FBXO34: variants seen among roughly 807,000 people sequenced by gnomAD.
FBXO34 encodes F-box protein 34.
In FBXO34, 12 loss-of-function variants were observed where a neutral mutation model predicts 24.5. The observed-to-expected ratio is 0.49, with a 90% CI of 0.31 to 0.79. The LOEUF (loss-of-function observed/expected upper bound fraction) is 0.79. Ranked by LOEUF, FBXO34 falls within the 30% of genes least tolerant of loss-of-function variation. The pLI, the probability that FBXO34 is intolerant of heterozygous loss-of-function variation, is 0.04. For missense variants in FBXO34, 823 were observed against 857.7 expected (o/e 0.96, Z 0.51); for synonymous variants, 320 against 311.9 (o/e 1.03, Z -0.27).
downstream of FBXO34, chr14:55,369,652 G>A: frequency 6.5e-7 from 1 of 1,545,518 alleles, no homozygotes; most frequent in South Asian, 1.2e-5. Flanking sequence ...TAAACCAGGA[G>A]GTCACCGAGG....
intron 1 of FBXO34, among the ~76,000 whole-genome samples, chr14:55,323,858 A>C (rs978867916): frequency 6.6e-5 from 10 of 152,142 alleles, no homozygotes; most frequent in Non-Finnish European, 1.0e-4. Flanking sequence ...ACTATAGCCC[A>C]TTTTGGGAGT....
At chr14:55,399,566 A>G in the FBXO34 span, among the ~76,000 whole-genome samples, 1 of 152,244 alleles carries the variant, frequency 6.6e-6, no homozygotes, top group African/African-American at 2.4e-5. Context: ...AAGAAATCTA[A>G]TTATAAATTC....
At chr14:55,309,232 C>T (rs989682174) in intron 1 of FBXO34, among the ~76,000 whole-genome samples, 1 of 151,960 alleles carries the variant, frequency 6.6e-6, no homozygotes, top group African/African-American at 2.4e-5. Context: ...GTTAAATATT[C>T]CTATGAATAC....
the FBXO34 span, among the ~76,000 whole-genome samples, chr14:55,401,698 G>A: frequency 6.6e-6 from 1 of 152,040 alleles, no homozygotes; most frequent in Non-Finnish European, 1.5e-5. Flanking sequence ...CTTTCCAGCA[G>A]TCCCTCTGTG....
At chr14:55,271,586 G>A (rs1277543244) in intron 1 of FBXO34, 49 bp downstream of exon 1, 1 of 147,972 alleles carries the variant, frequency 6.8e-6, no homozygotes, top group East Asian at 2.0e-4. Flanking sequence ...CGCGACTGGG[G>A]TCCGGCGGCG....
the FBXO34 span, among the ~76,000 whole-genome samples, chr14:55,375,425 C>T: frequency 2.6e-5 from 4 of 151,718 alleles, no homozygotes; most frequent in South Asian, 4.2e-4. Context: ...TCAACTCAGG[C>T]GACCCTCCCA....
the FBXO34 span, among the ~76,000 whole-genome samples, chr14:55,404,327 C>T: frequency 6.6e-6 from 1 of 152,178 alleles, no homozygotes; most frequent in South Asian, 2.1e-4. Flanking sequence ...ACCCTGATCC[C>T]TAAAGCACTC....
At chr14:55,417,127 T>C in the FBXO34 span, among the ~76,000 whole-genome samples, 2 of 152,180 alleles carry the variant, frequency 1.3e-5, no homozygotes, top group African/African-American at 4.8e-5. Flanking sequence ...AGGAGGACTT[T>C]AGGGAAATTA....
chr14:55,360,118 G>A (rs142016652), intron 3 of FBXO34, among the ~76,000 whole-genome samples: 1,875 of 152,082 alleles, frequency 0.012, 45 homozygotes, highest in African/African-American at 0.042. Context: ...TGTCTCCCAG[G>A]CTGGAGTGCA....
downstream of FBXO34, chr14:55,370,001 GCCCTCACCTGAGGGGA>G: frequency 3.5e-6 from 5 of 1,446,182 alleles, no homozygotes; most frequent in Non-Finnish European, 4.7e-6. Context: ...CTTCCTGAAG[GCCCTCACCTGAGGGGA>G]TGAGGGACGC....
At chr14:55,404,289 G>A in the FBXO34 span, among the ~76,000 whole-genome samples, 1 of 152,186 alleles carries the variant, frequency 6.6e-6, no homozygotes, top group Admixed American at 6.5e-5. Flanking sequence ...GACACTCACT[G>A]AAATCTCACA....
the FBXO34 span, among the ~76,000 whole-genome samples, chr14:55,425,655 C>T: frequency 6.6e-6 from 1 of 152,188 alleles, no homozygotes; most frequent in Non-Finnish European, 1.5e-5. Context: ...TCTTGGCCAA[C>T]CCAACTTTGA....
At chr14:55,336,922 T>G (rs1181598191) in intron 1 of FBXO34, among the ~76,000 whole-genome samples, 1 of 151,552 alleles carries the variant, frequency 6.6e-6, no homozygotes, top group Non-Finnish European at 1.5e-5. Flanking sequence ...TCTGTCTGAC[T>G]CAGAATCCTA....
intron 1 of FBXO34, among the ~76,000 whole-genome samples, chr14:55,312,047 A>G (rs1033076125): frequency 6.6e-6 from 1 of 151,910 alleles, no homozygotes; most frequent in Non-Finnish European, 1.5e-5. Flanking sequence ...TAAAAATACA[A>G]AAATTAGCTG....
intron 1 of FBXO34, among the ~76,000 whole-genome samples, chr14:55,283,697 GA>G (rs1198363102): frequency 6.6e-6 from 1 of 152,070 alleles, no homozygotes; most frequent in Non-Finnish European, 1.5e-5. Context: ...CTAACCTCAT[GA>G]TCCGCCTGCT....
At chr14:55,271,723 T>TCCGGTG (rs1185148965) in intron 1 of FBXO34, among the ~76,000 whole-genome samples, 186 bp downstream of exon 1, 2 of 150,706 alleles carry the variant, frequency 1.3e-5, no homozygotes, top group African/African-American at 4.9e-5. Flanking sequence ...CTGCGCCTCC[T>TCCGGTG]CCGGTGCGGC....
chr14:55,393,848 C>T, the FBXO34 span, among the ~76,000 whole-genome samples: 5 of 151,866 alleles, frequency 3.3e-5, no homozygotes, highest in East Asian at 1.9e-4. Context: ...CCACACCCAG[C>T]GCAGATTTTA....
intron 1 of FBXO34, among the ~76,000 whole-genome samples, chr14:55,323,478 A>T (rs1883237651): frequency 6.6e-6 from 1 of 150,992 alleles, no homozygotes; most frequent in East Asian, 2.0e-4. Context: ...CGAGTCTGTG[A>T]TTCAAGTGAT....
chr14:55,426,561 T>C, the FBXO34 span, among the ~76,000 whole-genome samples: 1 of 152,010 alleles, frequency 6.6e-6, no homozygotes, highest in Non-Finnish European at 1.5e-5. Context: ...TTCTAAGAGG[T>C]GTTTTTAATG....
Sources: allele counts gnomAD v4.1 joint callset (sites outside exome capture counted in the v4.1 genomes callset), GRCh38; gene constraint gnomAD v4.1.1; transcripts MANE v1.5; gene names NCBI Gene and HGNC (gene_info 2026-07-23, HGNC 2026-07-21).